ANKLE2: variants seen among roughly 807,000 people sequenced by gnomAD.
ANKLE2 encodes ankyrin repeat and LEM domain-containing protein 2.
ANKLE2 carries 55 observed loss-of-function variants against 84.2 expected under a neutral mutation model. The observed-to-expected ratio is 0.65, with a 90% CI of 0.53 to 0.82. ANKLE2 has a LOEUF of 0.82. ANKLE2 is among the 40% of genes least tolerant of loss of function. The pLI, the probability that ANKLE2 is intolerant of heterozygous loss-of-function variation, is 0.00. For missense variants in ANKLE2, 1,238 were observed against 1,201.9 expected, an observed-to-expected ratio of 1.03 and a Z score of -0.44; for synonymous variants, 551 against 486.1, an observed-to-expected ratio of 1.13 and a Z score of -1.76.
chr12:132,750,447 G>A (rs148696881), intron 3 of ANKLE2, among the ~76,000 whole-genome samples, 196 bp downstream of exon 3: 15 of 151,818 alleles, frequency 9.9e-5, no homozygotes, highest in African/African-American at 2.9e-4. Flanking sequence ...CGGCCACAGC[G>A]TTCTTTTCAG....
At chr12:132,751,090 A>G (rs2044345709) in intron 2 of ANKLE2, 1 of 374,302 alleles carries the variant, frequency 2.7e-6, no homozygotes, top group African/African-American at 2.1e-5. Flanking sequence ...GTAATTCTAT[A>G]TGCCAAGATT....
At chr12:132,741,336 G>T in intron 7 of ANKLE2, 83 bp downstream of exon 7, 1 of 1,409,566 alleles carries the variant, frequency 7.1e-7, no homozygotes, top group Non-Finnish European at 9.9e-7. Flanking sequence ...GCTCAGGAAA[G>T]CAAAGCTCTG....
rs760324675 is a variant in ANKLE2 at position 132,743,164 on chromosome 12, G to GT, written c.1342dup (p.Thr448AsnfsTer3). ...GTAATAAGTACTTACATCTTCAGGT[G>GT]TTTTATCATATTTATTCCTTGAGTT... On this transcript the variant is annotated frameshift_variant, in exon 6 of 13. Transcript: ENST00000357997. LOFTEE classifies it high-confidence loss of function. This position sits in a 1 kb window ranked among gnomAD's most constrained non-coding sequence, Gnocchi z 4.1. 1 of 1,605,850 alleles carries GT rather than the reference G, an allele frequency of 6.2e-7. No homozygotes were observed. The highest frequency in any genetic ancestry group is 1.1e-5 in the South Asian group (1 of 89,502).
chr12:132,750,711 G>C lies in ANKLE2; in HGVS notation c.779C>G (p.Pro260Arg). Reference sequence around the variant, plus strand: ...AGACAGTGGTAAGGACGTTTTGCTTGGAGAAGGGAAATAATCACAAATTCC... The same window carrying C: ...AGACAGTGGTAAGGACGTTTTGCTTCGAGAAGGGAAATAATCACAAATTCC... ...ARGICDYFPS[P>R]SKTSLPLSPV... The change falls in exon 3 of 13, where the codon CCA becomes CGA. Residue 260 changes from proline to arginine, a missense_variant. Around this residue, in one of 3 missense-constraint regions of ANKLE2, gnomAD observed 422 missense variants for 394.5 expected, o/e 1.07. Coordinates refer to ENST00000357997, the MANE Select transcript of ANKLE2 (RefSeq NM_015114.3). The C allele has an allele frequency of 2.5e-6, 4 of 1,614,244 alleles. No individual in the cohort carries two copies. The highest frequency in any genetic ancestry group is 3.4e-6 in the Non-Finnish European group (4 of 1,180,044).
intron 9 of ANKLE2, chr12:132,735,127 A>G (rs934099381): frequency 6.3e-6 from 3 of 477,410 alleles, no homozygotes; most frequent in African/African-American, 5.9e-5. Flanking sequence ...CTTCTATAAA[A>G]TATTAAGGTT....
At chr12:132,758,752 AC>A (rs1454746666) in intron 1 of ANKLE2, 1 of 152,110 alleles carries the variant, frequency 6.6e-6, no homozygotes, top group Non-Finnish European at 1.5e-5. Flanking sequence ...TGAACTCCTG[AC>A]CTTGTGATCC....
rs2043705551 is a variant in ANKLE2, at chr12:132,726,695, C to G, written c.*547G>C. The G allele has an allele frequency of 6.6e-6, 1 of 152,474 alleles. No individual in the cohort carries two copies. The highest frequency in any genetic ancestry group is 1.5e-5 in the Non-Finnish European group (1 of 68,290). 9.4% of individuals were successfully genotyped at this position (152,474 alleles called of 1,614,324 possible). A position where few individuals can be genotyped will look rare whatever the true frequency, so the allele number is the denominator to read the frequency against. On this transcript the variant is annotated 3_prime_UTR_variant, in exon 13 of 13. Coordinates refer to ENST00000357997, the MANE Select transcript of ANKLE2 (RefSeq NM_015114.3). ...GAGGCGCGCTCCTGGCTCCCTGATCCCTGCCGTCCACCTCCCTCTGTCTGA... is the reference window on the plus strand; with the variant it reads ...GAGGCGCGCTCCTGGCTCCCTGATCGCTGCCGTCCACCTCCCTCTGTCTGA...
intron 2 of ANKLE2, 89 bp from the exon 3 acceptor site, chr12:132,750,938 C>T: frequency 8.5e-7 from 1 of 1,179,612 alleles, no homozygotes; most frequent in Non-Finnish European, 1.2e-6. Flanking sequence ...CATCAGCTTC[C>T]ACATCTGCTA....
In ANKLE2 at chr12:132,761,829, G is replaced by A. The variant is rs2044634361; in HGVS notation, c.-31C>T. ...CCGCCCGGGCCGCAGCCGCCGAGAA[G>A]CCCGCGCCCCGCGCCGCGCCCGTCC... On this transcript the variant is annotated 5_prime_UTR_variant, in exon 1 of 13. Coordinates refer to ENST00000357997, the MANE Select transcript of ANKLE2 (RefSeq NM_015114.3). 1.0e-5 allele frequency: 10 copies of A among 994,646 alleles called. No homozygotes were observed. Among genetic ancestry groups the A allele is most frequent in the Non-Finnish European group, 1.2e-5 (10 of 837,864 alleles). 61.6% of individuals were successfully genotyped at this position (994,646 alleles called of 1,614,324 possible).
In ANKLE2 at chr12:132,727,417, C is replaced by A; in HGVS notation, c.2642G>T (p.Arg881Met). The A allele has an allele frequency of 6.4e-7, 1 of 1,559,248 alleles. No individual in the cohort carries two copies. Among genetic ancestry groups the A allele is most frequent in the Non-Finnish European group, 8.7e-7 (1 of 1,151,488 alleles). ...QSWPSPAVKG[R>M]FKSQLPDLSG... The stretch of plus-strand genomic sequence containing the variant: ...GAGATCTGGCAGCTGAGACTTGAAC[C>A]TTCCTTTCACCGCGGGACTGGGCCA... Residue 881 changes from arginine (R) to methionine (M), a missense_variant, in exon 13 of 13, where the codon AGG becomes ATG. Arg to Met is a moderately conservative substitution (Grantham distance 91). Transcript: ENST00000357997.
chr12:132,755,583 T>C (rs1328397910), intron 1 of ANKLE2: 1 of 152,402 alleles, frequency 6.6e-6, no homozygotes, highest in Non-Finnish European at 1.4e-5. Flanking sequence ...TTTTTCGAGA[T>C]GGTGTCTCCC....
At chr12:132,760,796 C>T (rs2044609317) in intron 1 of ANKLE2, 1 of 152,238 alleles carries the variant, frequency 6.6e-6, no homozygotes, top group African/African-American at 2.4e-5. Context: ...GATTCATCAG[C>T]CACTGGTGAT....
rs183167266 is a variant in ANKLE2 at position 132,739,565 on chromosome 12, G to A, written c.1420+1854C>T. 1.8e-4 allele frequency among the ~76,000 whole-genome samples: 28 copies of A among 152,204 alleles called. No individual in the cohort carries two copies. In the East Asian group the frequency reaches 5.2e-3, roughly 28 times the overall value. On this transcript the variant is annotated intron_variant, in intron 7 of 12. Transcript: ENST00000357997. ...ATAAAATACTAATGTTTACTTTTTT[G>A]GCATATTGATTTGAGTCCCTTTTAA...
chr12:132,733,484 G>C (rs926741539), intron 10 of ANKLE2, among the ~76,000 whole-genome samples: 15 of 146,780 alleles, frequency 1.0e-4, no homozygotes. Context: ...AGCACTGCGC[G>C]TCCTGGTGTC....
intron 10 of ANKLE2, chr12:132,734,039 C>T (rs1370061846): frequency 4.3e-6 from 2 of 466,520 alleles, no homozygotes; most frequent in African/African-American, 4.0e-5. Flanking sequence ...AGTTCGAGAC[C>T]AGCCTGGTCA....
At position 132,726,947 on chromosome 12, in the gene ANKLE2, C is replaced by G. The variant is rs2043711163; in HGVS notation, c.*295G>C. The G allele has an allele frequency of 2.4e-6, 1 of 409,010 alleles. No homozygotes were observed. Among genetic ancestry groups the G allele is most frequent in the Non-Finnish European group, 4.4e-6 (1 of 228,392 alleles). The allele number at this position is 409,010 out of a possible 1,614,324, so 25.3% of individuals were successfully genotyped here. A position where few individuals can be genotyped will look rare whatever the true frequency, so the allele number is the denominator to read the frequency against. On this transcript the variant is annotated 3_prime_UTR_variant, in exon 13 of 13. Coordinates refer to ENST00000357997, the MANE Select transcript of ANKLE2 (RefSeq NM_015114.3). Reference sequence around the variant, plus strand: ...GCCTGCCTGCAACTGCCTCAGCGCCCTTTCCTCTGCTATATTTCAGACCTA... The same window carrying G: ...GCCTGCCTGCAACTGCCTCAGCGCCGTTTCCTCTGCTATATTTCAGACCTA...
intron 9 of ANKLE2, chr12:132,735,150 G>A: frequency 1.9e-6 from 1 of 522,514 alleles, no homozygotes. Flanking sequence ...TTAGAAACAT[G>A]TCCCAGAACC....
Position 132,750,204 on chromosome 12 carries a change from CAAAAAAAAAA to C in ANKLE2, c.847+429_847+438del, listed in dbSNP as rs1038591889. Among the ~76,000 whole-genome samples the C allele has an allele frequency of 2.3e-3, 183 of 79,426 alleles. 1 individual carries two copies. Among genetic ancestry groups the C allele is most frequent in the Non-Finnish European group, 3.4e-3 (148 of 43,564 alleles). 52.1% of individuals were successfully genotyped at this position (79,426 alleles called of 152,430 possible). ...TGGGCGACAGAGCAAGACTCCATCT[CAAAAAAAAAA>C]AAAAAAAAAAGAAAAAGTTTAAATT... On this transcript the variant is annotated intron_variant, in intron 3 of 12. Transcript: ENST00000357997.
At chr12:132,741,744 T>C in intron 6 of ANKLE2, 1 of 603,156 alleles carries the variant, frequency 1.7e-6, no homozygotes, top group Non-Finnish European at 3.1e-6. Context: ...TCTAACTGTC[T>C]GCAAGGAGAG....
Sources: gnomAD v4.1 joint callset for allele counts (sites outside exome capture counted in the v4.1 genomes callset) on GRCh38, gnomAD v4.1.1 for gene constraint, gnomAD v4.1.1 regional missense constraint, Gnocchi (gnomAD v3.1) non-coding constraint, MANE v1.5 for transcripts, NCBI Gene and HGNC (gene_info 2026-07-23, HGNC 2026-07-21) for gene names.